CCDC77: variants seen among roughly 807,000 people sequenced by gnomAD.
CCDC77 encodes coiled-coil domain containing 77.
CCDC77 carries 56 observed loss-of-function variants against 66.8 expected under a neutral mutation model. The ratio of observed to expected loss-of-function variants is 0.84; its 90% CI spans 0.68 to 1.05. The LOEUF (loss-of-function observed/expected upper bound fraction) is 1.05. Among genes scored for constraint, CCDC77 ranks in the 50% least tolerant of loss-of-function variants. The pLI is 0.00. For missense variants in CCDC77, 570 were observed against 576.8 expected (o/e 0.99, Z 0.12); for synonymous variants, 196 against 195.2 (o/e 1.00, Z -0.03).
intron 3 of CCDC77, among the ~76,000 whole-genome samples, chr12:411,509 G>A (rs1361611698): frequency 6.6e-6 from 1 of 151,476 alleles, no homozygotes; most frequent in Non-Finnish European, 1.5e-5. Flanking sequence ...ATAAAGACAG[G>A]GTTTCACTAT....
chr12:429,148 A>G (rs148145161), intron 6 of CCDC77, among the ~76,000 whole-genome samples: 1 of 152,168 alleles, frequency 6.6e-6, no homozygotes, highest in Admixed American at 6.6e-5. Context: ...GCAAGTTTTG[A>G]TGCTTAAGTT....
At chr12:398,386 C>T (rs1944855286), upstream of CCDC77, among the ~76,000 whole-genome samples, 1 of 152,020 alleles carries the variant, frequency 6.6e-6, no homozygotes, top group Non-Finnish European at 1.5e-5. Flanking sequence ...AGAAGCAACT[C>T]TTCATCCATA....
Position 415,381 on chromosome 12 carries a change from ATAT to A in CCDC77, c.271-3109_271-3107del, listed in dbSNP as rs1296779548. On this transcript the variant is annotated intron_variant, in intron 4 of 12. Coordinates refer to ENST00000239830, the MANE Select transcript of CCDC77 (RefSeq NM_032358.4). ...ATATTATGTTAATATAATCAACATA[ATAT>A]TATGTTAATATAATCAACATAATAT... 3.7e-4 allele frequency among the ~76,000 whole-genome samples: 40 copies of A among 108,632 alleles called. 1 individual carries two copies. The highest frequency in any genetic ancestry group is 1.1e-3 in the East Asian group (4 of 3,610). The allele number at this position is 108,632 out of a possible 152,430, so 71.3% of individuals were successfully genotyped here.
upstream of CCDC77, among the ~76,000 whole-genome samples, chr12:401,239 A>G (rs1471759785): frequency 1.3e-5 from 2 of 152,220 alleles, no homozygotes; most frequent in Non-Finnish European, 2.9e-5. Flanking sequence ...GTCATGGAAG[A>G]AGAAACTTTT....
intron 9 of CCDC77, among the ~76,000 whole-genome samples, chr12:437,252 G>A (rs1462936712): frequency 1.3e-5 from 2 of 152,238 alleles, no homozygotes; most frequent in Non-Finnish European, 2.9e-5. Flanking sequence ...AGATAGAGAC[G>A]TTGTCTATTC....
chr12:432,957 A>C (rs1945678618), intron 8 of CCDC77, among the ~76,000 whole-genome samples: 1 of 152,164 alleles, frequency 6.6e-6, no homozygotes, highest in African/African-American at 2.4e-5. Flanking sequence ...GCTTGAGCCC[A>C]GGGGGTTGAG....
At chr12:433,608 C>G (rs890449104) in intron 9 of CCDC77, 8 of 380,508 alleles carry the variant, frequency 2.1e-5, no homozygotes, top group Non-Finnish European at 2.8e-5. Flanking sequence ...GTGGCTCACG[C>G]CTGTAATCGC....
chr12:428,899 G>A, intron 6 of CCDC77, 34 bp downstream of exon 6: 1 of 1,371,230 alleles, frequency 7.3e-7, no homozygotes, highest in Non-Finnish European at 1.0e-6. Context: ...GGTGAGTGTG[G>A]CTTTACAAGT....
chr12:398,135 G>T (rs974993973), upstream of CCDC77, among the ~76,000 whole-genome samples: 1 of 152,062 alleles, frequency 6.6e-6, no homozygotes, highest in Non-Finnish European at 1.5e-5. Flanking sequence ...TTCCTTTCAT[G>T]ATATTGATTG....
intron 2 of CCDC77, 142 bp from the exon 3 acceptor site, chr12:409,225 GA>G (rs530689839): frequency 0.013 from 5,166 of 405,308 alleles, 30 homozygotes; most frequent in Non-Finnish European, 0.014. Context: ...AAAAAAAAAA[GA>G]AAAAAAAAAC....
intron 5 of CCDC77, among the ~76,000 whole-genome samples, chr12:425,559 G>C (rs1352826072): frequency 1.3e-5 from 2 of 151,914 alleles, no homozygotes; most frequent in Non-Finnish European, 2.9e-5. Flanking sequence ...TGCGGAGTAT[G>C]TTGTCTCCAG....
chr12:411,266 C>T (rs1945104015), intron 3 of CCDC77, among the ~76,000 whole-genome samples: 1 of 151,786 alleles, frequency 6.6e-6, no homozygotes, highest in African/African-American at 2.4e-5. Context: ...CTCTGCCTCC[C>T]AGGTTCAAGC....
intron 1 of CCDC77, among the ~76,000 whole-genome samples, chr12:395,751 G>A (rs1434894947): frequency 6.6e-6 from 1 of 151,946 alleles, no homozygotes; most frequent in Non-Finnish European, 1.5e-5. Context: ...AAAATTGGCT[G>A]GGCGTCGTGG....
At chr12:422,462 T>C (rs1945420237) in intron 5 of CCDC77, among the ~76,000 whole-genome samples, 1 of 152,252 alleles carries the variant, frequency 6.6e-6, no homozygotes, top group Non-Finnish European at 1.5e-5. Flanking sequence ...TGGAACACAC[T>C]ATGCTACTTT....
At chr12:415,838 T>C (rs1218624088) in intron 4 of CCDC77, among the ~76,000 whole-genome samples, 1 of 142,970 alleles carries the variant, frequency 7.0e-6, no homozygotes, top group African/African-American at 2.7e-5. Context: ...GAAGTCTTGC[T>C]CTTGTCACCC....
chr12:429,920 C>G (rs556658262), intron 6 of CCDC77, among the ~76,000 whole-genome samples: 3 of 152,098 alleles, frequency 2.0e-5, no homozygotes, highest in Admixed American at 2.0e-4. Flanking sequence ...ACCACTGTGC[C>G]CCAAGCTGTT....
intron 9 of CCDC77, among the ~76,000 whole-genome samples, chr12:436,115 CTTTTTTTTT>C (rs1181059309): frequency 1.9e-5 from 2 of 106,176 alleles, no homozygotes; most frequent in South Asian, 6.7e-4. Flanking sequence ...GATCCTTTGT[CTTTTTTTTT>C]TTTTTTTTTT....
At chr12:412,945 C>CT (rs757945841) in intron 4 of CCDC77, among the ~76,000 whole-genome samples, 164 of 147,440 alleles carry the variant, frequency 1.1e-3, no homozygotes, top group East Asian at 2.4e-3. Flanking sequence ...GGTTGCTTTT[C>CT]TTTTTTTTTT....
At chr12:440,592 T>C (rs935982178) in intron 10 of CCDC77, 25 bp from the exon 11 acceptor site, 17 of 1,612,258 alleles carry the variant, frequency 1.1e-5, no homozygotes, top group Non-Finnish European at 1.4e-5. Context: ...TGAGTGTTAA[T>C]GTTTTTTGTC....
Sources: allele counts gnomAD v4.1 joint callset (sites outside exome capture counted in the v4.1 genomes callset), GRCh38; gene constraint gnomAD v4.1.1; transcripts MANE v1.5; gene names NCBI Gene and HGNC (gene_info 2026-07-23, HGNC 2026-07-21).